The following NFIA variants were observed in gnomAD, a reference collection of about 807,000 sequenced individuals.
The protein encoded by NFIA is nuclear factor I A.
Under a neutral mutation model 62.8 loss-of-function variants are expected in NFIA, and 8 were observed. The ratio of observed to expected loss-of-function variants is 0.13; its 90% CI spans 0.07 to 0.23. NFIA has a LOEUF of 0.23. Among genes scored for constraint, NFIA ranks in the 10% least tolerant of loss-of-function variants. The probability of loss-of-function intolerance (pLI) is 1.00; values close to 1 mark genes in which losing one functional copy is unlikely to be tolerated. For missense variants in NFIA, 410 were observed against 642.1 expected (o/e 0.64, Z 3.91); for synonymous variants, 235 against 238.1 (o/e 0.99, Z 0.12).
At position 61,154,423 on chromosome 1, in the gene NFIA, T is replaced by C. The variant is rs150713451; in HGVS notation, c.559+65743T>C. Among the ~76,000 whole-genome samples, 663 of 152,314 alleles carry C rather than the reference T, an allele frequency of 4.4e-3. 12 individuals are homozygous for C. In the East Asian group the frequency reaches 0.057, roughly 13 times the overall value. On this transcript the variant is annotated intron_variant, in intron 2 of 10. Transcript: ENST00000403491. ...CGCCCGCCTTGGCCTCCCAAAGTGC[T>C]GGGATTATAGGCATGAGCCACCACA... is the stretch of plus-strand genomic sequence containing the variant.
chr1:61,295,773 GC>G (rs1659158717), intron 3 of NFIA, among the ~76,000 whole-genome samples: 3 of 152,178 alleles, frequency 2.0e-5, no homozygotes, highest in Non-Finnish European at 4.4e-5. Context: ...GTATCTGAAA[GC>G]ACTTTATGAA....
At chr1:61,200,296 GATA>G (rs1224728457) in intron 2 of NFIA, among the ~76,000 whole-genome samples, 1 of 151,196 alleles carries the variant, frequency 6.6e-6, no homozygotes, top group Non-Finnish European at 1.5e-5. Context: ...ATCTGTATGG[GATA>G]ATAATATTAT....
intron 6 of NFIA, among the ~76,000 whole-genome samples, chr1:61,372,037 A>G (rs1663913875): frequency 6.6e-6 from 1 of 152,084 alleles, no homozygotes; most frequent in Non-Finnish European, 1.5e-5. Context: ...GTTCGGTTCC[A>G]AAAAAAGGTG....
At chr1:61,316,984 T>G (rs1175844639) in intron 3 of NFIA, among the ~76,000 whole-genome samples, 1 of 152,206 alleles carries the variant, frequency 6.6e-6, no homozygotes, top group Non-Finnish European at 1.5e-5. Context: ...GCTTATTTTA[T>G]ATGCCTTTTT....
intron 2 of NFIA, among the ~76,000 whole-genome samples, chr1:61,168,465 A>G (rs1275044000): frequency 2.0e-5 from 3 of 152,214 alleles, no homozygotes; most frequent in Non-Finnish European, 4.4e-5. Context: ...GATTAAATAA[A>G]ACAGCATTAT....
In NFIA at chr1:61,298,544, G is replaced by A. The variant is rs529765765; in HGVS notation, c.625+20959G>A. On this transcript the variant is annotated intron_variant, in intron 3 of 10. Coordinates refer to ENST00000403491, the MANE Select transcript of NFIA (RefSeq NM_001134673.4). ...CCCAATTCTGTAGTTCAGCCAGTCA[G>A]AATGTTGGTAGAAAATGCATTAAAT... is the stretch of plus-strand genomic sequence containing the variant. 3.3e-5 allele frequency among the ~76,000 whole-genome samples: 5 copies of A among 152,266 alleles called. No individual in the cohort carries two copies. In the South Asian group the frequency reaches 1.0e-3, roughly 32 times the overall value.
At chr1:61,124,131 G>A (rs1646931341) in intron 2 of NFIA, among the ~76,000 whole-genome samples, 1 of 152,188 alleles carries the variant, frequency 6.6e-6, no homozygotes, top group Non-Finnish European at 1.5e-5. Context: ...GAAGAGGAGA[G>A]AGAGGACTGC....
At chr1:61,381,476 A>G (rs900939115) in intron 6 of NFIA, among the ~76,000 whole-genome samples, 1 of 152,156 alleles carries the variant, frequency 6.6e-6, no homozygotes, top group African/African-American at 2.4e-5. Flanking sequence ...AAGTCACTTA[A>G]TTACTTCATT....
rs114796446 is a variant in NFIA, at chr1:61,333,540, G to A, written c.700+954G>A. 3.1e-3 allele frequency among the ~76,000 whole-genome samples: 467 copies of A among 152,298 alleles called. 2 individuals are homozygous for A. Among genetic ancestry groups the A allele is most frequent in the African/African-American group, 0.011 (448 of 41,572 alleles). On this transcript the variant is annotated intron_variant, in intron 4 of 10. Coordinates refer to ENST00000403491, the MANE Select transcript of NFIA (RefSeq NM_001134673.4). ...AATGTGATACACAGTGTGGGAACAG[G>A]GGAGAATCTAATGACTACTGTTCAT... is the stretch of plus-strand genomic sequence containing the variant.
upstream of NFIA, among the ~76,000 whole-genome samples, chr1:61,079,390 G>A (rs529052660): frequency 6.6e-6 from 1 of 152,160 alleles, no homozygotes; most frequent in South Asian, 2.1e-4. Flanking sequence ...ACATATAAGT[G>A]AAACCTTATT....
chr1:61,091,827 G>T (rs1056853145), intron 2 of NFIA, among the ~76,000 whole-genome samples: 2 of 151,576 alleles, frequency 1.3e-5, no homozygotes, highest in African/African-American at 4.8e-5. Flanking sequence ...GCACTCAACC[G>T]AGAAGTTTCT....
rs148640543 is a variant in NFIA, at chr1:61,383,268, G to A, written c.978G>A (p.Ser326=). The A allele has an allele frequency of 1.5e-4, 250 of 1,613,982 alleles. 1 individual carries two copies. The South Asian group carries it at 1.9e-3, about 13-fold the overall frequency. Residue 326 remains serine, a synonymous_variant, in exon 7 of 11, where the codon TCG becomes TCA. Transcript: ENST00000403491. Reference sequence around the variant, plus strand: ...CATCTCCAACCACACTGAAGAAGTCGGAGAAGTCTGGTTTCAGCAGCCCCT... The same window carrying A: ...CATCTCCAACCACACTGAAGAAGTCAGAGAAGTCTGGTTTCAGCAGCCCCT... ...GMPSPTTLKK[S]EKSGFSSPSP... is the part of the protein sequence containing the mutation.
At chr1:61,204,555 T>G (rs541030716) in intron 2 of NFIA, among the ~76,000 whole-genome samples, 37 of 152,322 alleles carry the variant, frequency 2.4e-4, no homozygotes, top group Middle Eastern at 3.4e-3. Context: ...AAGTTCCATT[T>G]TATTTGTATC....
At chr1:61,168,690 A>G (rs966851629) in intron 2 of NFIA, among the ~76,000 whole-genome samples, 3 of 152,204 alleles carry the variant, frequency 2.0e-5, no homozygotes, top group African/African-American at 7.2e-5. Flanking sequence ...CTCCAGGACT[A>G]TTTCATGCTT....
intron 5 of NFIA, among the ~76,000 whole-genome samples, chr1:61,354,439 C>T (rs2100434205): frequency 6.6e-6 from 1 of 152,236 alleles, no homozygotes; most frequent in African/African-American, 2.4e-5. Context: ...ATTAATGGGT[C>T]ATTTTCTCTG....
intron 2 of NFIA, among the ~76,000 whole-genome samples, chr1:61,250,548 T>A (rs1375786813): frequency 6.6e-6 from 1 of 152,214 alleles, no homozygotes; most frequent in Non-Finnish European, 1.5e-5. Context: ...TTTTCACTTT[T>A]AATTAAGATG....
chr1:61,134,659 A>G (rs1469730539), intron 2 of NFIA, among the ~76,000 whole-genome samples: 3 of 152,218 alleles, frequency 2.0e-5, no homozygotes, highest in Non-Finnish European at 4.4e-5. Flanking sequence ...GCATTTTAAC[A>G]TAGTAAACTA....
chr1:61,090,074 G>A (rs1011090015), intron 2 of NFIA, among the ~76,000 whole-genome samples: 3 of 152,138 alleles, frequency 2.0e-5, no homozygotes, highest in African/African-American at 7.2e-5. Context: ...TGAAAAGTCA[G>A]CACCTCTCAA....
intron 9 of NFIA, among the ~76,000 whole-genome samples, chr1:61,417,978 G>C (rs1427526443): frequency 2.0e-5 from 3 of 152,162 alleles, no homozygotes; most frequent in Admixed American, 2.0e-4. Flanking sequence ...GAAGTTCAGA[G>C]AGGTTAACTG....
Sources: allele counts gnomAD v4.1 joint callset (sites outside exome capture counted in the v4.1 genomes callset), GRCh38; gene constraint gnomAD v4.1.1; transcripts MANE v1.5; gene names NCBI Gene and HGNC (gene_info 2026-07-23, HGNC 2026-07-21).